Variants in DOCK4 observed in about 807,000 individuals in gnomAD.
The protein encoded by DOCK4 is dedicator of cytokinesis 4.
In DOCK4, 97 loss-of-function variants were observed where a neutral mutation model predicts 268.1. The observed-to-expected ratio is 0.36, with a 90% CI of 0.31 to 0.43. DOCK4 has a LOEUF of 0.43. Ranked by LOEUF, DOCK4 falls within the 20% of genes least tolerant of loss-of-function variation. The pLI is 1.00. For missense variants in DOCK4, 2,145 were observed against 2,455.7 expected (o/e 0.87, Z 2.67); for synonymous variants, 954 against 887.2 (o/e 1.08, Z -1.34).
rs1563126189 is a variant in DOCK4 at position 112,142,154 on chromosome 7, C to T, written c.37+63948G>A. On this transcript the variant is annotated intron_variant, in intron 1 of 52. Coordinates refer to ENST00000428084, the MANE Select transcript of DOCK4 (RefSeq NM_001363540.2). ...TGTGAGGTAGGTACTATTATTAAGC[C>T]CCTTTTGCAGATGAAGAAACTGTGG... 7.9e-5 allele frequency among the ~76,000 whole-genome samples: 12 copies of T among 152,030 alleles called. No homozygotes were observed. In the South Asian group the frequency reaches 2.3e-3, roughly 29 times the overall value.
At chr7:111,794,075 TG>T (rs1285324805) in intron 30 of DOCK4, among the ~76,000 whole-genome samples, 1 of 152,076 alleles carries the variant, frequency 6.6e-6, no homozygotes, top group Non-Finnish European at 1.5e-5. Context: ...TGGGCTGTAG[TG>T]GGGACACAGA....
chr7:112,097,877 C>A (rs1439418374), intron 1 of DOCK4, among the ~76,000 whole-genome samples: 1 of 152,192 alleles, frequency 6.6e-6, no homozygotes, highest in Non-Finnish European at 1.5e-5. Context: ...AAGCTAAATT[C>A]ATTGGTAGAA....
intron 1 of DOCK4, among the ~76,000 whole-genome samples, chr7:112,125,841 A>G (rs1360881391): frequency 6.6e-6 from 1 of 151,932 alleles, no homozygotes; most frequent in Non-Finnish European, 1.5e-5. Flanking sequence ...ACAGGGTCTC[A>G]CTTGTCACCC....
chr7:112,003,610 G>A (rs1487269847), intron 2 of DOCK4, among the ~76,000 whole-genome samples: 2 of 152,030 alleles, frequency 1.3e-5, no homozygotes, highest in East Asian at 3.9e-4. Context: ...CCAAGTTTGA[G>A]GGGAAGAAAC....
At chr7:112,046,739 C>A (rs1330080177) in intron 1 of DOCK4, among the ~76,000 whole-genome samples, 1 of 152,092 alleles carries the variant, frequency 6.6e-6, no homozygotes, top group African/African-American at 2.4e-5. Context: ...AGAACATGTT[C>A]CTTGAGAGAG....
chr7:111,922,261 C>A (rs1451768358), intron 12 of DOCK4, among the ~76,000 whole-genome samples: 1 of 152,096 alleles, frequency 6.6e-6, no homozygotes, highest in Non-Finnish European at 1.5e-5. Context: ...TTGTTTGCTT[C>A]TCTTTTTTCC....
intron 16 of DOCK4, among the ~76,000 whole-genome samples, chr7:111,895,361 T>C (rs934602164): frequency 1.3e-5 from 2 of 152,214 alleles, no homozygotes; most frequent in Non-Finnish European, 2.9e-5. Flanking sequence ...GAAAGAACTT[T>C]AAGAACAATA....
intron 30 of DOCK4, among the ~76,000 whole-genome samples, chr7:111,802,063 T>G (rs1800339637): frequency 1.3e-5 from 2 of 152,106 alleles, no homozygotes; most frequent in South Asian, 4.1e-4. Flanking sequence ...CTCCCTATAT[T>G]TTCCTCATTC....
chr7:112,076,784 T>G (rs951070959), intron 1 of DOCK4, among the ~76,000 whole-genome samples: 1 of 152,164 alleles, frequency 6.6e-6, no homozygotes. Flanking sequence ...TCATATGTCT[T>G]ATTTGCAGAC....
In DOCK4 at chr7:111,747,339, A is replaced by G. The variant is rs770287954; in HGVS notation, c.4521T>C (p.Ile1507=). Residue 1507 remains isoleucine, a synonymous_variant, in exon 43 of 53, where the codon ATT becomes ATC. Coordinates refer to ENST00000428084, the MANE Select transcript of DOCK4 (RefSeq NM_001363540.2). ...CATTCAGGCACATAGTCAGGGGATT[A>G]ATATTCTGCATCTGTCTTGTCTGAC... ...SQCQTRQMQN[I]NPLTMCLNGV... The G allele has an allele frequency of 3.1e-6, 5 of 1,613,712 alleles. No individual in the cohort carries two copies. Among genetic ancestry groups the G allele is most frequent in the Non-Finnish European group, 4.2e-6 (5 of 1,179,812 alleles).
intron 1 of DOCK4, among the ~76,000 whole-genome samples, chr7:112,066,684 CAT>C (rs1156416023): frequency 8.7e-5 from 4 of 46,120 alleles, no homozygotes; most frequent in African/African-American, 2.7e-4. Context: ...TACATATATA[CAT>C]ATACATATAT....
chr7:111,750,245 A>G (rs1796542437), intron 42 of DOCK4, among the ~76,000 whole-genome samples: 1 of 152,192 alleles, frequency 6.6e-6, no homozygotes, highest in Non-Finnish European at 1.5e-5. Context: ...TTACTGGGGA[A>G]TGTCCTTAAG....
intron 1 of DOCK4, among the ~76,000 whole-genome samples, chr7:112,146,853 G>A (rs1220615974): frequency 6.6e-6 from 1 of 152,138 alleles, no homozygotes; most frequent in African/African-American, 2.4e-5. Context: ...ATTTAGACGA[G>A]TGTAACAGTA....
intron 13 of DOCK4, among the ~76,000 whole-genome samples, chr7:111,914,199 A>G (rs904615503): frequency 1.3e-5 from 2 of 152,054 alleles, no homozygotes; most frequent in Non-Finnish European, 2.9e-5. Flanking sequence ...CAAAGTATAA[A>G]CAGGTCTTAC....
rs530561813 is a variant in DOCK4 at position 111,784,417 on chromosome 7, T to C, written c.3402-294A>G. The C allele has an allele frequency of 4.9e-4, 296 of 607,270 alleles. 7 individuals are homozygous for C. The highest frequency in any genetic ancestry group is 4.4e-3 in the South Asian group (290 of 65,884). The allele number at this position is 607,270 out of a possible 1,614,324, so 37.6% of individuals were successfully genotyped here. ...GGAATGCATCTTCATCCAAGCAATT[T>C]TACTGCAATGCAACTGCTACAGGAA... On this transcript the variant is annotated intron_variant, in intron 32 of 52. Transcript: ENST00000428084.
intron 27 of DOCK4, among the ~76,000 whole-genome samples, chr7:111,813,426 G>A (rs1039580722): frequency 6.6e-6 from 1 of 152,022 alleles, no homozygotes; most frequent in Non-Finnish European, 1.5e-5. Context: ...TTTCTTGTGG[G>A]GTAGGGAAAT....
intron 1 of DOCK4, among the ~76,000 whole-genome samples, chr7:112,189,862 A>G (rs1819791512): frequency 6.7e-6 from 1 of 148,492 alleles, no homozygotes; most frequent in South Asian, 2.2e-4. Context: ...GATTACGGGC[A>G]TGAGTCACCA....
chr7:111,780,687 T>A (rs1212675345), intron 35 of DOCK4, among the ~76,000 whole-genome samples: 3 of 152,252 alleles, frequency 2.0e-5, no homozygotes, highest in Admixed American at 1.3e-4. Flanking sequence ...TTGTAAAGGA[T>A]GTCACAGCTC....
chr7:112,010,610 A>G (rs1377223932), intron 1 of DOCK4, among the ~76,000 whole-genome samples: 3 of 152,156 alleles, frequency 2.0e-5, no homozygotes, highest in African/African-American at 7.2e-5. Context: ...CATGTTTGGG[A>G]TCTGCCTTCA....
Sources: allele counts gnomAD v4.1 joint callset (sites outside exome capture counted in the v4.1 genomes callset), GRCh38; gene constraint gnomAD v4.1.1; transcripts MANE v1.5; gene names NCBI Gene and HGNC (gene_info 2026-07-23, HGNC 2026-07-21).